The following CLVS1 variants were observed in gnomAD, a reference collection of about 807,000 sequenced individuals.
CLVS1 encodes clavesin 1.
Under a neutral mutation model 33.1 loss-of-function variants are expected in CLVS1, and 10 were observed. The observed-to-expected ratio is 0.30, with a 90% CI of 0.19 to 0.51. The LOEUF is 0.51. Ranked by LOEUF, CLVS1 falls within the 20% of genes least tolerant of loss-of-function variation. The probability of loss-of-function intolerance (pLI) is 0.97; values close to 1 mark genes in which losing one functional copy is unlikely to be tolerated. For synonymous variants in CLVS1, 163 were observed against 166.1 expected (o/e 0.98, Z 0.14); for missense variants, 343 against 433.4 (o/e 0.79, Z 1.85).
At chr8:61,242,818 AC>A (rs1441512764) in intron 2 of CLVS1, among the ~76,000 whole-genome samples, 1 of 152,110 alleles carries the variant, frequency 6.6e-6, no homozygotes, top group Non-Finnish European at 1.5e-5. Flanking sequence ...TAAAAATAAA[AC>A]AAAATAAAAT....
chr8:61,110,806 C>T (rs947499493), intron 1 of CLVS1, among the ~76,000 whole-genome samples: 2 of 152,184 alleles, frequency 1.3e-5, no homozygotes, highest in African/African-American at 4.8e-5. Context: ...TTAGTCTTTT[C>T]GTGACTGGCT....
chr8:61,121,820 G>T lies in CLVS1; in HGVS notation c.-242-9950G>T, dbSNP rs1805877121. Among the ~76,000 whole-genome samples, 4 of 152,146 alleles carry T rather than the reference G, an allele frequency of 2.6e-5. No individual in the cohort carries two copies. The South Asian group carries it at 8.3e-4, about 32-fold the overall frequency. On this transcript the variant is annotated intron_variant, in intron 1 of 2. Transcript: ENST00000522621. Reference sequence around the variant, plus strand: ...CATTCTATGGCTCACACTTGCTTAAGATAGCACAGAATAGAAATTCTCGAA... The same window carrying T: ...CATTCTATGGCTCACACTTGCTTAATATAGCACAGAATAGAAATTCTCGAA...
intron 4 of CLVS1, 79 bp downstream of exon 4, chr8:61,454,330 T>C: frequency 1.0e-6 from 1 of 998,224 alleles, no homozygotes; most frequent in South Asian, 1.3e-5. Context: ...CCTCTCTCCT[T>C]TCCCCCCTTT....
At chr8:61,316,481 G>T (rs954174885) in intron 2 of CLVS1, among the ~76,000 whole-genome samples, 2 of 152,092 alleles carry the variant, frequency 1.3e-5, no homozygotes, top group African/African-American at 2.4e-5. Context: ...TGGCATACTG[G>T]GGAGGCAAAT....
intron 2 of CLVS1, among the ~76,000 whole-genome samples, chr8:61,189,690 A>C (rs1360859463): frequency 1.6e-4 from 24 of 152,052 alleles, no homozygotes; most frequent in Admixed American, 1.6e-3. Flanking sequence ...CTACCAAGCC[A>C]ATGGAAAACA....
At chr8:61,455,182 G>GTGTA (rs1817104230) in intron 4 of CLVS1, among the ~76,000 whole-genome samples, 1 of 133,646 alleles carries the variant, frequency 7.5e-6, no homozygotes, top group Non-Finnish European at 1.5e-5. Flanking sequence ...TATGATTTGT[G>GTGTA]TGTGTGTGTG....
chr8:61,270,172 T>C (rs1714968148), intron 2 of CLVS1, among the ~76,000 whole-genome samples: 1 of 152,216 alleles, frequency 6.6e-6, no homozygotes, highest in Admixed American at 6.5e-5. Flanking sequence ...GCTCTTATTA[T>C]TTTGAAATAC....
intron 3 of CLVS1, among the ~76,000 whole-genome samples, chr8:61,401,265 T>C (rs1205298937): frequency 6.6e-6 from 1 of 151,910 alleles, no homozygotes; most frequent in Non-Finnish European, 1.5e-5. Context: ...ACATTTTACT[T>C]ATTTATTTTT....
intron 2 of CLVS1, among the ~76,000 whole-genome samples, chr8:61,226,150 C>T (rs764491585): frequency 7.3e-4 from 111 of 152,170 alleles, no homozygotes; most frequent in Non-Finnish European, 2.9e-4. Context: ...AATCATTGTG[C>T]TTGTTTCAGT....
chr8:61,380,957 A>G (rs556270361), intron 3 of CLVS1, among the ~76,000 whole-genome samples: 5 of 152,162 alleles, frequency 3.3e-5, no homozygotes, highest in Non-Finnish European at 7.4e-5. Context: ...CCTGTAGGCT[A>G]TTTAAAAATA....
At chr8:61,202,314 C>T (rs1190252605) in intron 2 of CLVS1, 1 of 675,780 alleles carries the variant, frequency 1.5e-6, no homozygotes, top group Admixed American at 2.2e-5. Context: ...TTATCTTCGT[C>T]CGCCTTCTCT....
At chr8:61,446,595 G>A (rs750177912) in intron 3 of CLVS1, among the ~76,000 whole-genome samples, 15 of 151,978 alleles carry the variant, frequency 9.9e-5, no homozygotes, top group African/African-American at 1.9e-4. Flanking sequence ...GAAAGCCACC[G>A]GTCCTACTCC....
At chr8:61,286,927 G>A (rs530252727), upstream of CLVS1, among the ~76,000 whole-genome samples, 5 of 152,150 alleles carry the variant, frequency 3.3e-5, no homozygotes, top group East Asian at 9.7e-4. Flanking sequence ...GCCTTAAACA[G>A]TTTTCAAAAA....
intron 2 of CLVS1, among the ~76,000 whole-genome samples, chr8:61,263,490 G>T (rs1809247548): frequency 1.3e-5 from 2 of 152,172 alleles, no homozygotes; most frequent in African/African-American, 4.8e-5. Flanking sequence ...CTCAGTTCCT[G>T]TCTAACTCCT....
At chr8:61,484,766 A>G (rs1012946680) in intron 5 of CLVS1, among the ~76,000 whole-genome samples, 2 of 152,226 alleles carry the variant, frequency 1.3e-5, no homozygotes, top group East Asian at 1.9e-4. Flanking sequence ...ATGGAACAGA[A>G]CAGAGCCCTT....
chr8:61,042,619 C>A, the CLVS1 span, among the ~76,000 whole-genome samples: 1 of 105,794 alleles, frequency 9.5e-6, no homozygotes, highest in Admixed American at 9.2e-5. Flanking sequence ...CATATGAATT[C>A]TGGGGAGATA....
the CLVS1 span, among the ~76,000 whole-genome samples, chr8:61,037,945 A>G: frequency 6.6e-6 from 1 of 152,126 alleles, no homozygotes; most frequent in Non-Finnish European, 1.5e-5. Flanking sequence ...CTTTCTCACA[A>G]GGGGATCTTT....
At chr8:61,270,192 G>A (rs370458922) in intron 2 of CLVS1, among the ~76,000 whole-genome samples, 5 of 152,212 alleles carry the variant, frequency 3.3e-5, no homozygotes, top group East Asian at 1.9e-4. Flanking sequence ...CGTCCCATCA[G>A]TACCTAATTT....
chr8:61,099,996 A>G (rs979454154), intron 1 of CLVS1, among the ~76,000 whole-genome samples: 3 of 152,246 alleles, frequency 2.0e-5, no homozygotes, highest in Non-Finnish European at 4.4e-5. Context: ...TGCTAGAATT[A>G]GGGACATTTA....
Sources: allele counts gnomAD v4.1 joint callset (sites outside exome capture counted in the v4.1 genomes callset), GRCh38; gene constraint gnomAD v4.1.1; transcripts MANE v1.5; gene names NCBI Gene and HGNC (gene_info 2026-07-23, HGNC 2026-07-21).